Variants in MAP3K7CL observed in about 807,000 individuals in gnomAD.
MAP3K7CL encodes MAP3K7 C-terminal like.
MAP3K7CL carries 16 observed loss-of-function variants against 18.6 expected under a neutral mutation model. The ratio of observed to expected loss-of-function variants is 0.86; its 90% CI spans 0.58 to 1.31. The LOEUF is 1.31. Among genes scored for constraint, MAP3K7CL ranks in the 50% most tolerant of loss-of-function variants. MAP3K7CL has a pLI of 0.00. For synonymous variants in MAP3K7CL, 65 were observed against 66.8 expected (o/e 0.97, Z 0.13); for missense variants, 163 against 174.4 (o/e 0.93, Z 0.37).
intron 3 of MAP3K7CL, among the ~76,000 whole-genome samples, chr21:29,149,807 A>C (rs1251061901): frequency 6.6e-6 from 1 of 152,222 alleles, no homozygotes; most frequent in Non-Finnish European, 1.5e-5. Flanking sequence ...AAGATATTTT[A>C]ATACACCAGA....
At chr21:29,088,515 A>G (rs1034736547) in intron 1 of MAP3K7CL, among the ~76,000 whole-genome samples, 8 of 152,358 alleles carry the variant, frequency 5.3e-5, no homozygotes, top group African/African-American at 1.9e-4. Context: ...GTTTAATTTA[A>G]CCACGCTAGT....
intron 1 of MAP3K7CL, among the ~76,000 whole-genome samples, chr21:29,080,306 T>C (rs1219308850): frequency 1.3e-5 from 2 of 152,228 alleles, no homozygotes; most frequent in Non-Finnish European, 2.9e-5. Context: ...CAAATAAGCC[T>C]CCACCAATTA....
At chr21:29,092,710 C>A in intron 4 of MAP3K7CL, 1 of 992,978 alleles carries the variant, frequency 1.0e-6, no homozygotes, top group South Asian at 1.6e-5. Context: ...AGGACAATGG[C>A]TCTACGACGT....
intron 2 of MAP3K7CL, among the ~76,000 whole-genome samples, chr21:29,145,230 T>C (rs756625453): frequency 6.6e-6 from 1 of 152,150 alleles, no homozygotes; most frequent in Non-Finnish European, 1.5e-5. Context: ...AATAAAAATG[T>C]ACTTGTGCTG....
Position 29,165,423 on chromosome 21 carries a change from T to A in MAP3K7CL, c.248+5367T>A, listed in dbSNP as rs79759415. Among the ~76,000 whole-genome samples, 361 of 152,292 alleles carry A rather than the reference T, an allele frequency of 2.4e-3. 1 individual carries two copies. Among genetic ancestry groups the A allele is most frequent in the Admixed American group, 5.7e-3 (87 of 15,294 alleles). On this transcript the variant is annotated intron_variant, in intron 4 of 4. Coordinates refer to ENST00000399928, the MANE Select transcript of MAP3K7CL (RefSeq NM_001286620.2). ...TTAGTGATGATTTCTGAGATTTTGG[T>A]ACACCTGTCACCCAAGCAGGGTACA...
At chr21:29,127,876 A>G (rs2086706307), upstream of MAP3K7CL, 1 of 152,214 alleles carries the variant, frequency 6.6e-6, no homozygotes, top group African/African-American at 2.4e-5. Context: ...CATAGAAGGC[A>G]ATATTTCCGT....
chr21:29,082,544 C>G (rs1207914233), upstream of MAP3K7CL, among the ~76,000 whole-genome samples: 2 of 152,116 alleles, frequency 1.3e-5, no homozygotes, highest in African/African-American at 2.4e-5. Context: ...TGGTCTCAGC[C>G]TCTAGTAGGT....
chr21:29,132,821 T>C (rs1323238232), intron 1 of MAP3K7CL, among the ~76,000 whole-genome samples: 1 of 152,218 alleles, frequency 6.6e-6, no homozygotes, highest in Non-Finnish European at 1.5e-5. Flanking sequence ...CTTTTGGTAT[T>C]CTTTAAATGA....
intron 3 of MAP3K7CL, among the ~76,000 whole-genome samples, chr21:29,154,312 C>G (rs143886599): frequency 6.6e-6 from 1 of 151,798 alleles, no homozygotes; most frequent in Non-Finnish European, 1.5e-5. Context: ...AAAGCATCTG[C>G]TTGAATTTTT....
At chr21:29,170,662 T>A (rs1272359685) in intron 4 of MAP3K7CL, among the ~76,000 whole-genome samples, 1 of 151,826 alleles carries the variant, frequency 6.6e-6, no homozygotes, top group Non-Finnish European at 1.5e-5. Context: ...TTTTTTGGAA[T>A]GGAGTCTCAC....
intron 4 of MAP3K7CL, among the ~76,000 whole-genome samples, chr21:29,117,807 G>T (rs2086526883): frequency 1.3e-5 from 2 of 152,144 alleles, no homozygotes; most frequent in South Asian, 4.1e-4. Flanking sequence ...TTTTATTCGG[G>T]TACCAAATAT....
intron 4 of MAP3K7CL, among the ~76,000 whole-genome samples, chr21:29,172,679 A>C (rs573120872): frequency 1.3e-5 from 2 of 152,312 alleles, no homozygotes; most frequent in South Asian, 4.1e-4. Context: ...ATGAATATGC[A>C]GACATACGTA....
intron 1 of MAP3K7CL, among the ~76,000 whole-genome samples, chr21:29,087,957 T>A (rs907141420): frequency 1.3e-5 from 2 of 152,132 alleles, no homozygotes; most frequent in Non-Finnish European, 1.5e-5. Context: ...ACACCTGGAA[T>A]CACATAAAGA....
chr21:29,119,323 A>G (rs1428013179), intron 4 of MAP3K7CL, among the ~76,000 whole-genome samples: 1 of 152,160 alleles, frequency 6.6e-6, no homozygotes, highest in African/African-American at 2.4e-5. Context: ...TTGCCTTTTT[A>G]TTCCATGTAC....
Position 29,130,648 on chromosome 21 carries a change from A to G in MAP3K7CL, c.-315A>G, listed in dbSNP as rs1026339302. 2 of 985,372 alleles carry G rather than the reference A, an allele frequency of 2.0e-6. No individual in the cohort carries two copies. The highest frequency in any genetic ancestry group is 3.5e-5 in the African/African-American group (2 of 57,242). The allele number at this position is 985,372 out of a possible 1,614,324, so 61.0% of individuals were successfully genotyped here. The stretch of plus-strand genomic sequence containing the variant: ...TCTTGCTTTTTCTAGAAAGATGACA[A>G]CATCCTGGCTGTTAGAGAGGCAAGG... On this transcript the variant is annotated 5_prime_UTR_variant, in exon 1 of 5. Coordinates refer to ENST00000399928, the MANE Select transcript of MAP3K7CL (RefSeq NM_001286620.2).
chr21:29,124,495 A>G (rs934526405), intron 4 of MAP3K7CL, among the ~76,000 whole-genome samples: 1 of 152,246 alleles, frequency 6.6e-6, no homozygotes, highest in East Asian at 1.9e-4. Context: ...ATAAATAGAT[A>G]GCTAAATCAA....
intron 4 of MAP3K7CL, among the ~76,000 whole-genome samples, chr21:29,095,849 G>T (rs1425479606): frequency 6.6e-6 from 1 of 152,132 alleles, no homozygotes; most frequent in Non-Finnish European, 1.5e-5. Flanking sequence ...AAGTGTCAAG[G>T]AATTAACAAT....
At chr21:29,143,603 G>A (rs6516895) in intron 2 of MAP3K7CL, among the ~76,000 whole-genome samples, 50,225 of 151,286 alleles carry the variant, frequency 0.33, 8,428 homozygotes, top group Non-Finnish European at 0.35. Flanking sequence ...TTGTATTTTT[G>A]GTAGAGACTG....
At chr21:29,142,928 G>T (rs1481883193) in intron 2 of MAP3K7CL, among the ~76,000 whole-genome samples, 2 of 152,124 alleles carry the variant, frequency 1.3e-5, no homozygotes, top group African/African-American at 2.4e-5. Context: ...GTACTGACCC[G>T]CTGTGTTCTT....
Sources: gnomAD v4.1 joint callset for allele counts (sites outside exome capture counted in the v4.1 genomes callset) on GRCh38, gnomAD v4.1.1 for gene constraint, MANE v1.5 for transcripts, NCBI Gene and HGNC (gene_info 2026-07-23, HGNC 2026-07-21) for gene names.